The following SIPA1L2 variants were observed in gnomAD, a reference collection of about 807,000 sequenced individuals.
SIPA1L2 encodes signal-induced proliferation-associated 1-like protein 2.
SIPA1L2 carries 56 observed loss-of-function variants against 163.9 expected under a neutral mutation model. The ratio of observed to expected loss-of-function variants is 0.34; its 90% confidence interval spans 0.28 to 0.43. SIPA1L2 has a LOEUF of 0.43. Ranked by LOEUF, SIPA1L2 falls within the 20% of genes least tolerant of loss-of-function variation. SIPA1L2 has a pLI of 1.00. For missense variants in SIPA1L2, 1,974 were observed against 2,193.5 expected (o/e 0.90, Z 2.00); for synonymous variants, 877 against 865.7 (o/e 1.01, Z -0.23).
chr1:232,543,847 G>A (rs1488593782), intron 2 of SIPA1L2, among the ~76,000 whole-genome samples: 1 of 152,178 alleles, frequency 6.6e-6, no homozygotes, highest in Non-Finnish European at 1.5e-5. Context: ...CAGACTGGGT[G>A]ACAGAGCTCC....
intron 10 of SIPA1L2, among the ~76,000 whole-genome samples, chr1:232,449,924 C>T (rs1305914753): frequency 2.0e-5 from 3 of 152,192 alleles, no homozygotes; most frequent in African/African-American, 4.8e-5. Flanking sequence ...AAAGTGATTT[C>T]TAACTTGTCA....
chr1:232,619,720 A>T (rs1462745521), intron 1 of SIPA1L2, among the ~76,000 whole-genome samples: 2 of 152,202 alleles, frequency 1.3e-5, no homozygotes, highest in Admixed American at 6.5e-5. Context: ...GAATGCCAGC[A>T]TTTAAAAAGA....
chr1:232,441,158 T>C, intron 14 of SIPA1L2, 133 bp downstream of exon 14: 3 of 665,744 alleles, frequency 4.5e-6, no homozygotes, highest in Non-Finnish European at 7.2e-6. Context: ...AGTTTCCTTT[T>C]TTAACCTCAC....
chr1:232,586,273 T>A (rs1558286980), intron 1 of SIPA1L2, among the ~76,000 whole-genome samples: 1 of 152,102 alleles, frequency 6.6e-6, no homozygotes. Context: ...AAAAAGACAT[T>A]CATAAATTGA....
At chr1:232,510,423 G>C (rs921648202) in intron 3 of SIPA1L2, among the ~76,000 whole-genome samples, 4 of 152,170 alleles carry the variant, frequency 2.6e-5, no homozygotes, top group African/African-American at 9.7e-5. Context: ...CTCAGAACCA[G>C]AGAGTGTGCC....
intron 2 of SIPA1L2, among the ~76,000 whole-genome samples, chr1:232,534,944 A>G (rs778867182): frequency 3.3e-5 from 5 of 152,244 alleles, no homozygotes. Context: ...GCTTTGACAA[A>G]TGGAATAAAT....
At chr1:232,606,906 A>T (rs1199156388) in intron 1 of SIPA1L2, among the ~76,000 whole-genome samples, 2 of 151,982 alleles carry the variant, frequency 1.3e-5, no homozygotes, top group Non-Finnish European at 2.9e-5. Flanking sequence ...TCTAATAAAC[A>T]TTTGCTAATT....
intron 7 of SIPA1L2, among the ~76,000 whole-genome samples, chr1:232,475,577 AAAAG>A (rs1665006769): frequency 6.6e-6 from 1 of 152,234 alleles, no homozygotes; most frequent in Non-Finnish European, 1.5e-5. Flanking sequence ...ACATAAATAC[AAAAG>A]AAAGAAAAGT....
intron 2 of SIPA1L2, among the ~76,000 whole-genome samples, chr1:232,547,970 G>A (rs755251550): frequency 2.0e-4 from 30 of 152,118 alleles, no homozygotes; most frequent in Admixed American, 6.5e-4. Context: ...GTGGCCTCCT[G>A]ATACACAACA....
At chr1:232,451,473 G>A (rs761531758) in intron 10 of SIPA1L2, among the ~76,000 whole-genome samples, 1 of 152,152 alleles carries the variant, frequency 6.6e-6, no homozygotes, top group Non-Finnish European at 1.5e-5. Context: ...TTAAATAAAG[G>A]CTAACTGAAA....
At chr1:232,564,076 C>A (rs1659218010) in intron 2 of SIPA1L2, among the ~76,000 whole-genome samples, 1 of 118,748 alleles carries the variant, frequency 8.4e-6, no homozygotes, top group Non-Finnish European at 1.6e-5. Context: ...CAGGCATCAG[C>A]CACTGCTCCT....
At chr1:232,569,113 A>G (rs1374489953) in intron 2 of SIPA1L2, among the ~76,000 whole-genome samples, 1 of 152,222 alleles carries the variant, frequency 6.6e-6, no homozygotes, top group African/African-American at 2.4e-5. Context: ...TGAGGTCTTC[A>G]GATTTTAAGA....
At chr1:232,464,715 T>A (rs1664416598) in intron 9 of SIPA1L2, 125 bp downstream of exon 9, 2 of 781,872 alleles carry the variant, frequency 2.6e-6, no homozygotes, top group South Asian at 4.1e-5. Context: ...AAGCTCTGTA[T>A]CTGTAACAAA....
intron 2 of SIPA1L2, among the ~76,000 whole-genome samples, chr1:232,544,240 T>C (rs897816068): frequency 3.3e-5 from 5 of 152,128 alleles, no homozygotes; most frequent in African/African-American, 1.2e-4. Flanking sequence ...TTTTACACGA[T>C]TTAATGGCTA....
chr1:232,549,824 ATGTT>A (rs1346038901), intron 2 of SIPA1L2, among the ~76,000 whole-genome samples: 2 of 152,174 alleles, frequency 1.3e-5, no homozygotes, highest in African/African-American at 4.8e-5. Context: ...TGTTTTGTTT[ATGTT>A]GCTAATTGAC....
chr1:232,608,240 G>A (rs994719119), intron 1 of SIPA1L2, among the ~76,000 whole-genome samples: 9 of 151,946 alleles, frequency 5.9e-5, no homozygotes, highest in African/African-American at 2.2e-4. Flanking sequence ...TAGAGACAGG[G>A]TTTCACCATG....
intron 2 of SIPA1L2, among the ~76,000 whole-genome samples, chr1:232,568,264 A>G (rs1659519395): frequency 2.0e-5 from 3 of 152,206 alleles, no homozygotes; most frequent in Admixed American, 2.0e-4. Flanking sequence ...GAAAGGAAGG[A>G]GAGTCCTGGG....
intron 1 of SIPA1L2, among the ~76,000 whole-genome samples, chr1:232,588,009 G>A (rs144707539): frequency 3.9e-4 from 59 of 152,254 alleles, no homozygotes; most frequent in African/African-American, 1.4e-3. Flanking sequence ...TTTGTAAACT[G>A]CCCAGTCTCG....
At chr1:232,615,519 T>C (rs1662457263) in intron 1 of SIPA1L2, among the ~76,000 whole-genome samples, 1 of 152,152 alleles carries the variant, frequency 6.6e-6, no homozygotes, top group South Asian at 2.1e-4. Context: ...GGCCCTGCAG[T>C]CATTCGAAAG....
Sources: allele counts gnomAD v4.1 joint callset (sites outside exome capture counted in the v4.1 genomes callset), GRCh38; gene constraint gnomAD v4.1.1; transcripts MANE v1.5; gene names NCBI Gene and HGNC (gene_info 2026-07-23, HGNC 2026-07-21).